The following KANSL1 variants were observed in gnomAD, a reference collection of about 807,000 sequenced individuals.
KANSL1 encodes the protein KAT8 regulatory NSL complex subunit 1.
Under a neutral mutation model 103.6 loss-of-function variants are expected in KANSL1, and 22 were observed. That is an observed-to-expected ratio of 0.21 (90% CI 0.15 to 0.30). The LOEUF (loss-of-function observed/expected upper bound fraction) is 0.30. Among genes scored for constraint, KANSL1 ranks in the 10% least tolerant of loss-of-function variants. The pLI is 1.00. For synonymous variants in KANSL1, 600 were observed against 527.6 expected (o/e 1.14, Z -1.88); for missense variants, 1,337 against 1,399.8 (o/e 0.96, Z 0.72).
At chr17:46,155,438 G>A (rs1217764290) in intron 2 of KANSL1, among the ~76,000 whole-genome samples, 1 of 152,214 alleles carries the variant, frequency 6.6e-6, no homozygotes, top group African/African-American at 2.4e-5. Flanking sequence ...GATTACAGGT[G>A]TGAACCGCTG....
intron 1 of KANSL1, among the ~76,000 whole-genome samples, chr17:46,217,252 G>C (rs980405589): frequency 1.3e-5 from 2 of 152,136 alleles, no homozygotes; most frequent in Non-Finnish European, 2.9e-5. Flanking sequence ...GAGGTGGGTG[G>C]ACCACTTGAG....
chr17:46,112,368 CAAAAAAAAAAAAA>C (rs34480982), intron 2 of KANSL1, among the ~76,000 whole-genome samples: 18 of 51,106 alleles, frequency 3.5e-4, no homozygotes, highest in South Asian at 3.2e-3. Flanking sequence ...AACTCTGTCT[CAAAAAAAAAAAAA>C]AAAAAAAAAA....
chr17:46,084,697 T>TAAAA (rs67108405), intron 3 of KANSL1, among the ~76,000 whole-genome samples: 91 of 74,506 alleles, frequency 1.2e-3, no homozygotes, highest in Non-Finnish European at 1.4e-3. Context: ...TTTTAAAAAT[T>TAAAA]AAAAAAAAAA....
intron 2 of KANSL1, among the ~76,000 whole-genome samples, chr17:46,100,633 T>C (rs1316555301): frequency 6.6e-6 from 1 of 152,210 alleles, no homozygotes; most frequent in Non-Finnish European, 1.5e-5. Context: ...AACTCTTTTG[T>C]ATTTATTAGA....
At chr17:46,061,063 A>C (rs909862333) in intron 6 of KANSL1, among the ~76,000 whole-genome samples, 44 of 152,324 alleles carry the variant, frequency 2.9e-4, no homozygotes, top group African/African-American at 1.1e-3. Context: ...TTAGTAATAA[A>C]TGTAGCCATT....
chr17:46,183,666 T>C (rs1369728520), intron 1 of KANSL1, among the ~76,000 whole-genome samples: 1 of 129,340 alleles, frequency 7.7e-6, no homozygotes, highest in Non-Finnish European at 1.6e-5. Context: ...AGGGAAGGAG[T>C]AGGGCCGGGA....
chr17:46,155,614 T>C (rs1324977120), intron 2 of KANSL1, among the ~76,000 whole-genome samples: 1 of 152,226 alleles, frequency 6.6e-6, no homozygotes, highest in Non-Finnish European at 1.5e-5. Context: ...GTGCACAGAA[T>C]AGCTTCCCAT....
intron 6 of KANSL1, among the ~76,000 whole-genome samples, chr17:46,053,269 G>A (rs1465047095): frequency 1.3e-5 from 2 of 151,564 alleles, no homozygotes; most frequent in Admixed American, 1.3e-4. Flanking sequence ...GGGAACAAGA[G>A]CAAAACTCCG....
intron 2 of KANSL1, among the ~76,000 whole-genome samples, chr17:46,123,589 CA>C (rs1231898410): frequency 6.6e-6 from 1 of 152,168 alleles, no homozygotes; most frequent in Non-Finnish European, 1.5e-5. Flanking sequence ...CTGATATGGA[CA>C]AAGTTTTAGT....
chr17:46,189,798 C>T (rs2732593), intron 1 of KANSL1, among the ~76,000 whole-genome samples: 21,936 of 151,634 alleles, frequency 0.14, 2,136 homozygotes, highest in Non-Finnish European at 0.22. Flanking sequence ...TCCCTGCTAC[C>T]CAGGCGGCTG....
chr17:46,179,445 A>AAAAAG (rs2046678870), intron 1 of KANSL1, among the ~76,000 whole-genome samples: 1 of 152,176 alleles, frequency 6.6e-6, no homozygotes, highest in Non-Finnish European at 1.5e-5. Flanking sequence ...CCAGGTGGCC[A>AAAAAG]ACAAGTATTA....
At position 46,171,518 on chromosome 17, in the gene KANSL1, G is replaced by C. The variant is rs774703524; in HGVS notation, c.626C>G (p.Thr209Ser). ...GDLKGGMTNC[T>S]LPHRSLDVEH... ...TACATCAAGGCTTCTATGTGGAAGAGTGCAATTGGTCATACCCCCCTTCAA... is the reference window on the plus strand; with the variant it reads ...TACATCAAGGCTTCTATGTGGAAGACTGCAATTGGTCATACCCCCCTTCAA... Residue 209 changes from threonine (T) to serine (S), a missense_variant, in exon 2 of 15, where the codon ACT (threonine) becomes AGT (serine). Around this residue, in one of 2 missense-constraint regions of KANSL1, gnomAD observed 557 missense variants for 476.4 expected, o/e 1.17. Coordinates refer to ENST00000432791, the MANE Select transcript of KANSL1 (RefSeq NM_015443.4). The C allele has an allele frequency of 6.2e-7, 1 of 1,613,838 alleles. No homozygotes were observed. Among genetic ancestry groups the C allele is most frequent in the Admixed American group, 1.7e-5 (1 of 59,958 alleles).
intron 6 of KANSL1, among the ~76,000 whole-genome samples, chr17:46,062,891 A>T (rs901012147): frequency 1.3e-5 from 2 of 152,058 alleles, no homozygotes; most frequent in South Asian, 2.1e-4. Context: ...CTCTACTAAA[A>T]ATACAAAAAA....
Position 46,030,189 on chromosome 17 carries a change from C to A in KANSL1, c.*1287G>T, listed in dbSNP as rs886053064. The A allele has an allele frequency of 6.7e-5, 10 of 149,218 alleles. No individual in the cohort carries two copies. The highest frequency in any genetic ancestry group is 6.4e-4 in the South Asian group (3 of 4,716). The allele number at this position is 149,218 out of a possible 1,614,324, so 9.2% of individuals were successfully genotyped here. The stretch of plus-strand genomic sequence containing the variant: ...TAAAAGGGTTATTCAGAATTTTCAA[C>A]CTTATAAATAGAAGAAGCACTTTAT... On this transcript the variant is annotated 3_prime_UTR_variant, in exon 15 of 15. Transcript: ENST00000432791.
At chr17:46,086,962 T>C (rs1261836654) in intron 3 of KANSL1, among the ~76,000 whole-genome samples, 2 of 152,108 alleles carry the variant, frequency 1.3e-5, no homozygotes, top group East Asian at 3.9e-4. Context: ...GAGAAGGGGT[T>C]TCACCATGTT....
intron 2 of KANSL1, among the ~76,000 whole-genome samples, chr17:46,100,550 A>G (rs558188726): frequency 1.2e-4 from 19 of 152,338 alleles, no homozygotes; most frequent in African/African-American, 4.3e-4. Context: ...ATGTTGGCTA[A>G]AAATTAATTT....
At chr17:46,037,033 TC>T (rs2077172267) in intron 10 of KANSL1, among the ~76,000 whole-genome samples, 1 of 152,124 alleles carries the variant, frequency 6.6e-6, no homozygotes, top group South Asian at 2.1e-4. Context: ...TTTACATAAA[TC>T]CAGAGTCTTT....
intron 2 of KANSL1, among the ~76,000 whole-genome samples, chr17:46,152,595 A>AT (rs139071276): frequency 3.5e-5 from 3 of 85,104 alleles, no homozygotes; most frequent in Non-Finnish European, 8.0e-5. Context: ...GGGGGGGGGG[A>AT]TTTCAGAGAT....
At chr17:46,176,810 G>C (rs2046541927) in intron 1 of KANSL1, among the ~76,000 whole-genome samples, 1 of 151,638 alleles carries the variant, frequency 6.6e-6, no homozygotes, top group Non-Finnish European at 1.5e-5. Context: ...TTTATCCTTG[G>C]TCTCAATATC....
Sources: allele counts gnomAD v4.1 joint callset (sites outside exome capture counted in the v4.1 genomes callset), GRCh38; gene constraint gnomAD v4.1.1; regional missense constraint gnomAD v4.1.1; transcripts MANE v1.5; gene names NCBI Gene and HGNC (gene_info 2026-07-23, HGNC 2026-07-21).